The following ANKRD17 variants were observed in gnomAD, a reference collection of about 807,000 sequenced individuals.
The protein encoded by ANKRD17 is ankyrin repeat domain 17.
ANKRD17 carries 19 observed loss-of-function variants against 229.7 expected under a neutral mutation model. The ratio of observed to expected loss-of-function variants is 0.08; its 90% CI spans 0.06 to 0.12. The LOEUF (loss-of-function observed/expected upper bound fraction) is 0.12, where lower values mean the gene tolerates loss of function less well. Among genes scored for constraint, ANKRD17 ranks in the 10% least tolerant of loss-of-function variants. The probability of loss-of-function intolerance (pLI) is 1.00; values close to 1 mark genes in which losing one functional copy is unlikely to be tolerated. For missense variants in ANKRD17, 2,176 were observed against 3,176.8 expected (o/e 0.68, Z 7.57); for synonymous variants, 1,112 against 1,146.1 (o/e 0.97, Z 0.60).
intron 1 of ANKRD17, among the ~76,000 whole-genome samples, chr4:73,237,488 A>G (rs1015961883): frequency 1.3e-5 from 2 of 152,216 alleles, no homozygotes; most frequent in African/African-American, 4.8e-5. Flanking sequence ...GGCAGCCAGA[A>G]AGCTGGACTG....
chr4:73,147,001 C>G (rs754396058), intron 9 of ANKRD17, 128 bp from the exon 10 acceptor site: 18 of 818,768 alleles, frequency 2.2e-5, no homozygotes, highest in Non-Finnish European at 3.3e-5. Flanking sequence ...TCACTCATTT[C>G]CAGAAACAGA....
chr4:73,089,045 ATTT>A (rs200390909), intron 29 of ANKRD17, among the ~76,000 whole-genome samples: 6 of 143,646 alleles, frequency 4.2e-5, no homozygotes, highest in Admixed American at 1.4e-4. Context: ...TTCTTTTTAA[ATTT>A]TTTTTTTTTT....
At chr4:73,188,182 AAAAAG>A (rs1355005095) in intron 1 of ANKRD17, among the ~76,000 whole-genome samples, 2 of 152,110 alleles carry the variant, frequency 1.3e-5, no homozygotes, top group Admixed American at 1.3e-4. Flanking sequence ...TTTAAAATTT[AAAAAG>A]AAAAGGAAAA....
At chr4:73,101,824 T>G (rs1435711195) in intron 25 of ANKRD17, among the ~76,000 whole-genome samples, 1 of 152,190 alleles carries the variant, frequency 6.6e-6, no homozygotes. Flanking sequence ...CTAGGTGGAA[T>G]GTATTCAGGT....
intron 1 of ANKRD17, among the ~76,000 whole-genome samples, chr4:73,253,403 A>G (rs1350399819): frequency 6.6e-6 from 1 of 152,260 alleles, no homozygotes; most frequent in African/African-American, 2.4e-5. Context: ...ATAATGAAAG[A>G]AATATAGCAG....
At chr4:73,142,067 T>C (rs1231640429) in intron 13 of ANKRD17, among the ~76,000 whole-genome samples, 175 bp downstream of exon 13, 1 of 152,174 alleles carries the variant, frequency 6.6e-6, no homozygotes, top group Non-Finnish European at 1.5e-5. Context: ...AGCATAATCA[T>C]ATCATCTAGG....
At chr4:73,187,199 A>AT (rs990764952) in intron 1 of ANKRD17, among the ~76,000 whole-genome samples, 6 of 152,150 alleles carry the variant, frequency 3.9e-5, no homozygotes, top group African/African-American at 1.4e-4. Flanking sequence ...GTATAATGAA[A>AT]TTTTTTTAGG....
intron 1 of ANKRD17, among the ~76,000 whole-genome samples, chr4:73,201,983 T>C (rs1248861782): frequency 6.6e-6 from 1 of 152,112 alleles, no homozygotes. Context: ...TTACACAAAA[T>C]GAAATGACTT....
At chr4:73,253,040 G>GTGAGAGAATAAATGAA (rs1157010982) in intron 1 of ANKRD17, among the ~76,000 whole-genome samples, 2 of 152,180 alleles carry the variant, frequency 1.3e-5, no homozygotes, top group African/African-American at 4.8e-5. Flanking sequence ...ATGTGAATGA[G>GTGAGAGAATAAATGAA]TGAGAGAATA....
chr4:73,145,045 G>A (rs1288580846), intron 10 of ANKRD17, among the ~76,000 whole-genome samples: 2 of 152,038 alleles, frequency 1.3e-5, no homozygotes, highest in East Asian at 3.8e-4. Context: ...TATATGTGCT[G>A]CCAAAGTGAG....
chr4:73,229,437 T>C (rs947008812), intron 1 of ANKRD17, among the ~76,000 whole-genome samples: 5 of 152,160 alleles, frequency 3.3e-5, no homozygotes, highest in Non-Finnish European at 5.9e-5. Flanking sequence ...AAATCAATAT[T>C]AGTTTTAAAT....
rs371831161 is a variant in ANKRD17, at chr4:73,073,540, C to T, written c.*2691G>A. Reference sequence around the variant, plus strand: ...TTATTTGAGTCAAAACACGGATGGACTATTATTTTTGTGAAGAACAAGACA... The same window carrying T: ...TTATTTGAGTCAAAACACGGATGGATTATTATTTTTGTGAAGAACAAGACA... On this transcript the variant is annotated 3_prime_UTR_variant, in exon 34 of 34. Transcript: ENST00000358602. The T allele has an allele frequency of 3.3e-5, 5 of 152,020 alleles. No homozygotes were observed. Among genetic ancestry groups the T allele is most frequent in the African/African-American group, 1.2e-4 (5 of 41,502 alleles). The allele number at this position is 152,020 out of a possible 1,614,324, so 9.4% of individuals were successfully genotyped here.
Position 73,258,409 on chromosome 4 carries a change from T to C in ANKRD17, c.260A>G (p.Glu87Gly). Residue 87 changes from glutamate (E) to glycine (G), a missense_variant, in exon 1 of 34, where the codon GAA becomes GGA. Physicochemically the swap from Glu to Gly is moderately conservative, Grantham distance 98. Coordinates refer to ENST00000358602, the MANE Select transcript of ANKRD17 (RefSeq NM_032217.5). Reference protein sequence around the residue: ...NRTCRPPSSSESSSDSDNSGG... With the variant: ...NRTCRPPSSSGSSSDSDNSGG... ...GCTGTTGTCGCTGTCGCTGCTGCTT[T>C]CGCTGCTGCTGGGGGGTCGGCAAGT... 1 of 1,609,214 alleles carries C rather than the reference T, an allele frequency of 6.2e-7. No individual in the cohort carries two copies. The highest frequency in any genetic ancestry group is 8.5e-7 in the Non-Finnish European group (1 of 1,179,020).
rs191933984 is a variant in ANKRD17 at position 73,173,149 on chromosome 4, G to A, written c.547+4231C>T. On this transcript the variant is annotated intron_variant, in intron 2 of 33. Transcript: ENST00000358602. Reference sequence around the variant, plus strand: ...CCAGGCCACTGGAAACCAAAAAAGCGCAAGAGTAGCTATACTTACATTGCA... The same window carrying A: ...CCAGGCCACTGGAAACCAAAAAAGCACAAGAGTAGCTATACTTACATTGCA... Among the ~76,000 whole-genome samples, 105 of 152,174 alleles carry A rather than the reference G, an allele frequency of 6.9e-4. 1 individual carries two copies. Among genetic ancestry groups the A allele is most frequent in the African/African-American group, 1.4e-3 (57 of 41,526 alleles).
intron 11 of ANKRD17, 113 bp downstream of exon 11, chr4:73,144,632 T>A: frequency 1.9e-6 from 1 of 526,640 alleles, no homozygotes; most frequent in Non-Finnish European, 3.2e-6. Flanking sequence ...GTCAGTAGCA[T>A]CCCTCCTCAT....
chr4:73,170,822 A>G (rs1431166157), intron 2 of ANKRD17, among the ~76,000 whole-genome samples: 3 of 152,128 alleles, frequency 2.0e-5, no homozygotes, highest in Admixed American at 6.5e-5. Context: ...AGGACTGTAT[A>G]TCGTGGTTTG....
chr4:73,158,826 G>C (rs984860062), intron 3 of ANKRD17, among the ~76,000 whole-genome samples: 3 of 152,238 alleles, frequency 2.0e-5, no homozygotes, highest in African/African-American at 7.2e-5. Flanking sequence ...TAGCCTACTT[G>C]CCATGTGATG....
At chr4:73,237,046 T>C (rs920761359) in intron 1 of ANKRD17, among the ~76,000 whole-genome samples, 1 of 152,330 alleles carries the variant, frequency 6.6e-6, no homozygotes, top group Middle Eastern at 3.4e-3. Context: ...GAAGTATTCA[T>C]ATGCCTGTGG....
At chr4:73,100,735 G>C in intron 25 of ANKRD17, 1 of 587,840 alleles carries the variant, frequency 1.7e-6, no homozygotes, top group Non-Finnish European at 2.1e-6. Context: ...AAAAATGTAG[G>C]TGACATAGAG....
Sources: gnomAD v4.1 joint callset for allele counts (sites outside exome capture counted in the v4.1 genomes callset) on GRCh38, gnomAD v4.1.1 for gene constraint, MANE v1.5 for transcripts, NCBI Gene and HGNC (gene_info 2026-07-23, HGNC 2026-07-21) for gene names.